CCSER1: variants seen among roughly 807,000 people sequenced by gnomAD.
CCSER1 encodes the protein serine-rich coiled-coil domain-containing protein 1.
A neutral mutation model predicts 82.0 loss-of-function variants in CCSER1; 41 were observed. That is an observed-to-expected ratio of 0.50 (90% CI 0.39 to 0.65). CCSER1 has a LOEUF of 0.65. CCSER1 is among the 30% of genes least tolerant of loss of function. The pLI, the probability that CCSER1 is intolerant of heterozygous loss-of-function variation, is 0.00. For missense variants in CCSER1, 1,119 were observed against 1,064.2 expected (o/e 1.05, Z -0.72); for synonymous variants, 414 against 383.9 (o/e 1.08, Z -0.92).
At chr4:90,947,309 TACTG>T (rs1207537581) in intron 9 of CCSER1, among the ~76,000 whole-genome samples, 1 of 152,200 alleles carries the variant, frequency 6.6e-6, no homozygotes, top group African/African-American at 2.4e-5. Context: ...TATGCTATGT[TACTG>T]ACACGAAATA....
chr4:90,823,670 T>C (rs1315736874), intron 8 of CCSER1, among the ~76,000 whole-genome samples: 1 of 151,930 alleles, frequency 6.6e-6, no homozygotes, highest in Non-Finnish European at 1.5e-5. Flanking sequence ...TGGGGGGGGA[T>C]GTTTGGACAT....
chr4:91,150,774 A>G (rs547301819), intron 10 of CCSER1, among the ~76,000 whole-genome samples: 129 of 152,286 alleles, frequency 8.5e-4, no homozygotes, highest in African/African-American at 3.1e-3. Context: ...GATTACATTT[A>G]TTGATTTGCA....
At chr4:90,196,762 CTG>C (rs1343533345) in intron 1 of CCSER1, among the ~76,000 whole-genome samples, 2 of 151,526 alleles carry the variant, frequency 1.3e-5, no homozygotes, top group African/African-American at 2.4e-5. Context: ...TTTGAAATAA[CTG>C]TAACATTTTA....
At chr4:91,092,681 A>C (rs1038032516) in intron 10 of CCSER1, among the ~76,000 whole-genome samples, 1 of 152,202 alleles carries the variant, frequency 6.6e-6, no homozygotes, top group Non-Finnish European at 1.5e-5. Flanking sequence ...GCTGTGGCAC[A>C]GCTATTCTTC....
At chr4:90,199,524 A>G (rs976004523) in intron 1 of CCSER1, among the ~76,000 whole-genome samples, 5 of 152,206 alleles carry the variant, frequency 3.3e-5, no homozygotes, top group Non-Finnish European at 5.9e-5. Flanking sequence ...GTAATAAAAC[A>G]AATTATTGTA....
intron 10 of CCSER1, among the ~76,000 whole-genome samples, chr4:91,172,243 A>G (rs1330438704): frequency 6.6e-6 from 1 of 152,200 alleles, no homozygotes; most frequent in East Asian, 1.9e-4. Flanking sequence ...AAGTGTCAAA[A>G]TAAACTGGAA....
At chr4:90,559,809 CAAAAAAAAAA>C (rs1236087772) in intron 5 of CCSER1, among the ~76,000 whole-genome samples, 2 of 39,756 alleles carry the variant, frequency 5.0e-5, no homozygotes, top group African/African-American at 9.1e-5. Context: ...GACTCCGTCT[CAAAAAAAAAA>C]AAAAAAAAAA....
At chr4:90,536,002 G>T (rs1468185746) in intron 5 of CCSER1, among the ~76,000 whole-genome samples, 1 of 149,920 alleles carries the variant, frequency 6.7e-6, no homozygotes, top group South Asian at 2.1e-4. Flanking sequence ...AGAATGTGTT[G>T]ACACTAATAT....
chr4:91,526,723 T>G (rs1165709614), intron 10 of CCSER1, among the ~76,000 whole-genome samples: 1 of 152,122 alleles, frequency 6.6e-6, no homozygotes, highest in Non-Finnish European at 1.5e-5. Flanking sequence ...TCCTGCCAAG[T>G]AGCTGGGATT....
chr4:90,784,374 T>A (rs1754195393), intron 7 of CCSER1, among the ~76,000 whole-genome samples: 1 of 152,264 alleles, frequency 6.6e-6, no homozygotes, highest in Non-Finnish European at 1.5e-5. Flanking sequence ...ATGCATATGC[T>A]GATTTTATAT....
intron 4 of CCSER1, among the ~76,000 whole-genome samples, chr4:90,457,521 T>G (rs765656088): frequency 6.6e-6 from 1 of 152,150 alleles, no homozygotes; most frequent in African/African-American, 2.4e-5. Context: ...TCCAGAGACC[T>G]GAAGTGGGTA....
chr4:90,622,828 T>G (rs2148887050), intron 5 of CCSER1, among the ~76,000 whole-genome samples: 1 of 152,218 alleles, frequency 6.6e-6, no homozygotes, highest in East Asian at 1.9e-4. Flanking sequence ...TCTAGATCCT[T>G]GAGGAATTGC....
chr4:91,468,623 A>AT (rs1301639480), intron 10 of CCSER1, among the ~76,000 whole-genome samples: 2 of 151,994 alleles, frequency 1.3e-5, no homozygotes, highest in Non-Finnish European at 1.5e-5. Flanking sequence ...AATAAGGATG[A>AT]TTTTTTGCAA....
chr4:90,702,341 A>G (rs1160458042), intron 6 of CCSER1, among the ~76,000 whole-genome samples: 1 of 152,160 alleles, frequency 6.6e-6, no homozygotes, highest in East Asian at 1.9e-4. Context: ...CATGGTGGAT[A>G]AGCTTTTTGA....
intron 8 of CCSER1, among the ~76,000 whole-genome samples, chr4:90,859,122 T>G (rs1209229738): frequency 2.0e-5 from 3 of 151,904 alleles, no homozygotes; most frequent in African/African-American, 7.2e-5. Context: ...CAAATTCATA[T>G]GTAGCACACA....
At chr4:90,744,759 CA>C (rs2149454907) in intron 7 of CCSER1, among the ~76,000 whole-genome samples, 1 of 152,128 alleles carries the variant, frequency 6.6e-6, no homozygotes, top group East Asian at 1.9e-4. Context: ...ACTGCACGTA[CA>C]AGGGATCTAG....
intron 5 of CCSER1, among the ~76,000 whole-genome samples, chr4:90,504,944 T>G (rs79289522): frequency 0.015 from 2,299 of 152,010 alleles, 36 homozygotes; most frequent in African/African-American, 0.045. Context: ...TGCCAAAAAC[T>G]GAAACATCTT....
At chr4:91,559,361 C>T (rs1306697508) in intron 10 of CCSER1, among the ~76,000 whole-genome samples, 4 of 151,564 alleles carry the variant, frequency 2.6e-5, no homozygotes, top group African/African-American at 9.7e-5. Context: ...TAATTGGCTC[C>T]ACACCTTCAG....
At chr4:91,094,521 G>T (rs1724298269) in intron 10 of CCSER1, among the ~76,000 whole-genome samples, 1 of 152,108 alleles carries the variant, frequency 6.6e-6, no homozygotes. Context: ...CCTGGCTTGG[G>T]GACAGGTAGG....
Sources: allele counts gnomAD v4.1 joint callset (sites outside exome capture counted in the v4.1 genomes callset), GRCh38; gene constraint gnomAD v4.1.1; transcripts MANE v1.5; gene names NCBI Gene and HGNC (gene_info 2026-07-23, HGNC 2026-07-21).